Variants in TTC19 observed in about 807,000 individuals in gnomAD.
TTC19 encodes tetratricopeptide repeat protein 19, mitochondrial.
TTC19 carries 38 observed loss-of-function variants against 49.5 expected under a neutral mutation model. That is an observed-to-expected ratio of 0.77 (90% CI 0.59 to 1.01). The LOEUF is 1.01. Ranked by LOEUF, TTC19 falls within the 50% of genes least tolerant of loss-of-function variation. The pLI is 0.00. For synonymous variants in TTC19, 204 were observed against 185.2 expected (o/e 1.10, Z -0.83); for missense variants, 475 against 477.7 (o/e 0.99, Z 0.05).
At chr17:16,032,883 G>A (rs900473052), downstream of TTC19, among the ~76,000 whole-genome samples, 2 of 152,188 alleles carry the variant, frequency 1.3e-5, no homozygotes, top group African/African-American at 4.8e-5. Context: ...CAAGTACCCA[G>A]GAACGTCTGC....
At chr17:16,024,856 A>C in intron 7 of TTC19, 161 bp from the exon 8 acceptor site, 2 of 672,546 alleles carry the variant, frequency 3.0e-6, no homozygotes, top group Non-Finnish European at 2.7e-6. Flanking sequence ...ATGTGGGCTG[A>C]AGTTCCATGA....
At chr17:16,002,472 C>T (rs1182093643) in intron 3 of TTC19, among the ~76,000 whole-genome samples, 9 of 152,040 alleles carry the variant, frequency 5.9e-5, no homozygotes, top group South Asian at 2.1e-4. Flanking sequence ...CCACCACGCC[C>T]GGCCACAGCT....
chr17:16,034,812 T>C (rs1973844484), intron 2 of TTC19: 1 of 1,614,142 alleles, frequency 6.2e-7, no homozygotes, highest in Admixed American at 1.7e-5. Context: ...CGTCTGCCTA[T>C]GGTAATCCCC....
rs1219046769 is a variant in TTC19 at position 15,999,919 on chromosome 17, G to A, written c.71G>A (p.Cys24Tyr). ...GCCGCGGGGCGGCGGTGCCGGGGCTGCTCCGCGCGCCTGCTCCCGGGGCTG... is the reference window on the plus strand; with the variant it reads ...GCCGCGGGGCGGCGGTGCCGGGGCTACTCCGCGCGCCTGCTCCCGGGGCTG... ...LRAAGRRCRG[C>Y]SARLLPGLAG... is the part of the protein sequence containing the mutation. Residue 24 changes from cysteine (C) to tyrosine (Y), a missense_variant, in exon 1 of 10, where the codon TGC becomes TAC. Coordinates refer to ENST00000261647, the MANE Select transcript of TTC19 (RefSeq NM_017775.4). 3.7e-6 allele frequency: 5 copies of A among 1,355,390 alleles called. No homozygotes were observed. In the East Asian group the frequency reaches 1.2e-4, roughly 33 times the overall value. 84.0% of individuals were successfully genotyped at this position (1,355,390 alleles called of 1,614,324 possible).
exon 3 of TTC19, chr17:16,044,531 G>A (rs907382017): frequency 1.2e-5 from 6 of 491,010 alleles, no homozygotes; most frequent in African/African-American, 1.2e-4. Context: ...GTCCTTCCAA[G>A]GAAGCTAAGG....
At chr17:16,032,479 T>C, downstream of TTC19, 1 of 1,566,904 alleles carries the variant, frequency 6.4e-7, no homozygotes, top group African/African-American at 1.4e-5. Flanking sequence ...GAAACTGAGT[T>C]GAGCCTGACA....
At chr17:16,035,193 G>A (rs1344843210) in intron 2 of TTC19, among the ~76,000 whole-genome samples, 2 of 152,144 alleles carry the variant, frequency 1.3e-5, no homozygotes, top group Admixed American at 6.5e-5. Context: ...TCTGCATGGC[G>A]GTTGCCAAAG....
chr17:16,040,581 T>C, intron 2 of TTC19: 1 of 1,089,444 alleles, frequency 9.2e-7, no homozygotes, highest in Non-Finnish European at 1.3e-6. Flanking sequence ...ATAATAAAAT[T>C]AATCTTTTTA....
intron 7 of TTC19, among the ~76,000 whole-genome samples, chr17:16,016,685 G>C (rs1362481234): frequency 6.6e-6 from 1 of 151,478 alleles, no homozygotes; most frequent in Non-Finnish European, 1.5e-5. Flanking sequence ...AGCCTCCCGA[G>C]TAGCTGGGAG....
chr17:16,042,925 A>G (rs1406457267), intron 2 of TTC19, among the ~76,000 whole-genome samples: 1 of 152,208 alleles, frequency 6.6e-6, no homozygotes, highest in African/African-American at 2.4e-5. Flanking sequence ...TCAGCATACA[A>G]GCGACCATTC....
chr17:16,043,867 A>T (rs1333242966), intron 2 of TTC19, among the ~76,000 whole-genome samples: 1 of 152,206 alleles, frequency 6.6e-6, no homozygotes, highest in African/African-American at 2.4e-5. Context: ...AAATAGTAAT[A>T]ACAATATTTT....
intron 8 of TTC19, among the ~76,000 whole-genome samples, chr17:16,026,130 G>A (rs765649497): frequency 2.2e-5 from 3 of 139,164 alleles, no homozygotes; most frequent in South Asian, 4.6e-4. Flanking sequence ...ATGAGCCTCA[G>A]GGTTATCAGC....
downstream of TTC19, among the ~76,000 whole-genome samples, chr17:16,032,852 T>C (rs918405408): frequency 6.6e-6 from 1 of 152,230 alleles, no homozygotes; most frequent in Non-Finnish European, 1.5e-5. Flanking sequence ...TGCAAGAGTA[T>C]AGTTCTCAGA....
At chr17:16,034,634 A>G (rs1567617150) in intron 2 of TTC19, 1 of 826,192 alleles carries the variant, frequency 1.2e-6, no homozygotes, top group East Asian at 2.5e-5. Flanking sequence ...GGAAAGTGGA[A>G]CATATTAATG....
intron 4 of TTC19, among the ~76,000 whole-genome samples, chr17:16,003,442 T>C (rs1187507769): frequency 6.6e-6 from 1 of 151,840 alleles, no homozygotes; most frequent in Non-Finnish European, 1.5e-5. Context: ...TATTTATTTA[T>C]TTATTTATTT....
chr17:16,044,459 T>G (rs762404394), intron 2 of TTC19: 1 of 472,496 alleles, frequency 2.1e-6, no homozygotes, highest in African/African-American at 2.0e-5. Flanking sequence ...AGGAGACTAG[T>G]AGATGGTAGA....
intron 2 of TTC19, chr17:16,044,319 T>G (rs1228285680): frequency 2.2e-6 from 1 of 459,066 alleles, no homozygotes; most frequent in Non-Finnish European, 4.5e-6. Flanking sequence ...GAAACAGTGG[T>G]GACACTGGCT....
intron 2 of TTC19, among the ~76,000 whole-genome samples, chr17:16,035,407 C>G (rs1023570676): frequency 6.6e-6 from 1 of 152,034 alleles, no homozygotes; most frequent in Admixed American, 6.6e-5. Flanking sequence ...GGGGCAGATT[C>G]AATCTCAAGA....
intron 7 of TTC19, among the ~76,000 whole-genome samples, chr17:16,013,047 T>TA (rs1299866280): frequency 3.3e-5 from 5 of 151,908 alleles, no homozygotes; most frequent in Admixed American, 6.6e-5. Flanking sequence ...CTTCAAAAAA[T>TA]AAAAAAATTA....
Sources: gnomAD v4.1 joint callset for allele counts (sites outside exome capture counted in the v4.1 genomes callset) on GRCh38, gnomAD v4.1.1 for gene constraint, MANE v1.5 for transcripts, NCBI Gene and HGNC (gene_info 2026-07-23, HGNC 2026-07-21) for gene names.